The following UBAP1 variants were observed in gnomAD, a reference collection of about 807,000 sequenced individuals.
The protein encoded by UBAP1 is ubiquitin-associated protein 1.
A neutral mutation model predicts 39.0 loss-of-function variants in UBAP1; 5 were observed. The observed-to-expected ratio is 0.13, with a 90% CI of 0.07 to 0.27. The LOEUF is 0.27. UBAP1 is among the 10% of genes least tolerant of loss of function. UBAP1 has a pLI of 1.00. For missense variants in UBAP1, 490 were observed against 608.1 expected, an observed-to-expected ratio of 0.81 and a Z score of 2.04; for synonymous variants, 211 against 225.1, an observed-to-expected ratio of 0.94 and a Z score of 0.56.
intron 1 of UBAP1, among the ~76,000 whole-genome samples, chr9:34,185,777 C>T (rs1830374750): frequency 6.6e-6 from 1 of 151,028 alleles, no homozygotes; most frequent in Non-Finnish European, 1.5e-5. Flanking sequence ...ACCTGGGAGG[C>T]GGTGGTGGCA....
intron 2 of UBAP1, among the ~76,000 whole-genome samples, chr9:34,232,636 A>T (rs1373882007): frequency 6.6e-6 from 1 of 152,148 alleles, no homozygotes; most frequent in Non-Finnish European, 1.5e-5. Context: ...CAGAATACCT[A>T]TCCCAGGAAA....
chr9:34,186,995 C>T (rs1830441986), intron 1 of UBAP1, among the ~76,000 whole-genome samples: 1 of 152,118 alleles, frequency 6.6e-6, no homozygotes, highest in Non-Finnish European at 1.5e-5. Context: ...GCAGCCTCCG[C>T]CTCCTGGGTT....
At chr9:34,193,687 A>G (rs1374872377) in intron 1 of UBAP1, among the ~76,000 whole-genome samples, 1 of 152,170 alleles carries the variant, frequency 6.6e-6, no homozygotes, top group Non-Finnish European at 1.5e-5. Flanking sequence ...CTTACAAAGG[A>G]TATAGATGAA....
At chr9:34,216,645 T>A (rs1373798981) in intron 1 of UBAP1, among the ~76,000 whole-genome samples, 6 of 82,272 alleles carry the variant, frequency 7.3e-5, no homozygotes, top group Non-Finnish European at 1.5e-4. Context: ...CATGCTAATT[T>A]TTTTTTTTTT....
chr9:34,221,804 T>C (rs2131582865), intron 2 of UBAP1, among the ~76,000 whole-genome samples: 2 of 151,532 alleles, frequency 1.3e-5, no homozygotes, highest in African/African-American at 4.8e-5. Context: ...TGGAATACAA[T>C]AATAAACTAC....
At chr9:34,196,027 T>C (rs549129275) in intron 1 of UBAP1, among the ~76,000 whole-genome samples, 1 of 138,562 alleles carries the variant, frequency 7.2e-6, no homozygotes, top group Non-Finnish European at 1.5e-5. Flanking sequence ...GTGATCCTCC[T>C]ACCTCAGTCT....
At chr9:34,203,487 G>A (rs1160753137) in intron 1 of UBAP1, among the ~76,000 whole-genome samples, 1 of 152,180 alleles carries the variant, frequency 6.6e-6, no homozygotes, top group East Asian at 1.9e-4. Flanking sequence ...TATGCTTGGT[G>A]TAATGGTGAA....
chr9:34,212,645 C>G (rs1172161474), intron 1 of UBAP1, among the ~76,000 whole-genome samples: 1 of 151,998 alleles, frequency 6.6e-6, no homozygotes, highest in Non-Finnish European at 1.5e-5. Context: ...TACAACCCTC[C>G]TAGCTTAAAT....
intron 2 of UBAP1, among the ~76,000 whole-genome samples, chr9:34,226,772 C>T (rs897869480): frequency 2.0e-5 from 3 of 151,968 alleles, no homozygotes; most frequent in African/African-American, 7.2e-5. Context: ...TTTCTTTTGA[C>T]CTAACTTCAA....
intron 1 of UBAP1, among the ~76,000 whole-genome samples, chr9:34,181,530 TCAC>T (rs1239521943): frequency 2.0e-5 from 3 of 151,022 alleles, no homozygotes; most frequent in Non-Finnish European, 4.4e-5. Context: ...CCTCCCGCGT[TCAC>T]GCCATTCTCC....
At chr9:34,200,579 G>T (rs908522741) in intron 1 of UBAP1, among the ~76,000 whole-genome samples, 1 of 152,112 alleles carries the variant, frequency 6.6e-6, no homozygotes, top group Non-Finnish European at 1.5e-5. Flanking sequence ...AGAGCTATAT[G>T]CTTTAGAATT....
chr9:34,214,996 A>T (rs1412892647), intron 1 of UBAP1, among the ~76,000 whole-genome samples: 1 of 152,176 alleles, frequency 6.6e-6, no homozygotes, highest in East Asian at 1.9e-4. Flanking sequence ...GCGTGGATGC[A>T]GTGATCAGGC....
chr9:34,250,571 G>C, intron 5 of UBAP1, 87 bp from the exon 6 acceptor site: 1 of 1,055,250 alleles, frequency 9.5e-7, no homozygotes, highest in Non-Finnish European at 1.4e-6. Flanking sequence ...GGCGGAGAAC[G>C]GACTTCACAC....
chr9:34,216,794 G>A (rs763230079), intron 1 of UBAP1, among the ~76,000 whole-genome samples: 3 of 151,670 alleles, frequency 2.0e-5, no homozygotes, highest in Non-Finnish European at 2.9e-5. Flanking sequence ...CTACAGGTGC[G>A]TACCACCATG....
chr9:34,243,644 C>T (rs1213468685), intron 4 of UBAP1, among the ~76,000 whole-genome samples: 2 of 152,192 alleles, frequency 1.3e-5, no homozygotes, highest in South Asian at 2.1e-4. Context: ...CATGTGCTAT[C>T]GTGCTCGGCT....
chr9:34,250,933 CTTGGTGGTTGAAGCA>C, intron 6 of UBAP1, 174 bp downstream of exon 6: 2 of 639,162 alleles, frequency 3.1e-6, no homozygotes, highest in Non-Finnish European at 5.7e-6. Flanking sequence ...CTGCGTTTGG[CTTGGTGGTTGAAGCA>C]TTGGGTTGAA....
At chr9:34,187,194 C>A (rs1410692213) in intron 1 of UBAP1, among the ~76,000 whole-genome samples, 1 of 152,232 alleles carries the variant, frequency 6.6e-6, no homozygotes, top group Admixed American at 6.5e-5. Flanking sequence ...AGGCGTGAGC[C>A]ACTGCGCCCG....
At chr9:34,243,785 T>A (rs1031026909) in intron 4 of UBAP1, among the ~76,000 whole-genome samples, 1 of 151,374 alleles carries the variant, frequency 6.6e-6, no homozygotes, top group African/African-American at 2.4e-5. Context: ...CCACAGTGGC[T>A]GGCCAATTAA....
intron 1 of UBAP1, among the ~76,000 whole-genome samples, chr9:34,185,789 TAA>T (rs1830376693): frequency 6.6e-6 from 1 of 152,136 alleles, no homozygotes; most frequent in African/African-American, 2.4e-5. Context: ...GTGGTGGCAG[TAA>T]GCCTAGATCA....
Sources: gnomAD v4.1 joint callset for allele counts (sites outside exome capture counted in the v4.1 genomes callset) on GRCh38, gnomAD v4.1.1 for gene constraint, MANE v1.5 for transcripts, NCBI Gene and HGNC (gene_info 2026-07-23, HGNC 2026-07-21) for gene names.